OCA2: variants seen among roughly 807,000 people sequenced by gnomAD.
OCA2 encodes the protein P protein.
OCA2 carries 77 observed loss-of-function variants against 100.2 expected under a neutral mutation model. The observed-to-expected ratio is 0.77, with a 90% CI of 0.64 to 0.93. The LOEUF is 0.93. Among genes scored for constraint, OCA2 ranks in the 40% least tolerant of loss-of-function variants. The pLI is 0.00. For missense variants in OCA2, 1,062 were observed against 1,089.1 expected (o/e 0.98, Z 0.35); for synonymous variants, 432 against 439.2 (o/e 0.98, Z 0.21).
the OCA2 span, among the ~76,000 whole-genome samples, chr15:27,723,090 G>T: frequency 1.3e-5 from 2 of 152,008 alleles, no homozygotes; most frequent in South Asian, 4.2e-4. Flanking sequence ...TGATCCGCCC[G>T]CCTCACCCTC....
At chr15:27,831,302 A>AAAAAAAAAAAAAAC (rs2034945213) in intron 23 of OCA2, among the ~76,000 whole-genome samples, 1 of 151,390 alleles carries the variant, frequency 6.6e-6, no homozygotes, top group African/African-American at 2.4e-5. Flanking sequence ...AAAAAAAAAA[A>AAAAAAAAAAAAAAC]AAAATCGGTC....
At chr15:28,037,751 A>G (rs1382196046) in intron 2 of OCA2, among the ~76,000 whole-genome samples, 1 of 152,206 alleles carries the variant, frequency 6.6e-6, no homozygotes, top group African/African-American at 2.4e-5. Context: ...AATGGGACTC[A>G]GGATAGGCTC....
intron 19 of OCA2, among the ~76,000 whole-genome samples, chr15:27,883,083 T>C (rs1567058310): frequency 6.6e-6 from 1 of 152,128 alleles, no homozygotes; most frequent in Non-Finnish European, 1.5e-5. Context: ...TCTTTGGCTC[T>C]CTCTTCTGGT....
chr15:28,005,438 C>T (rs539028925), intron 9 of OCA2, among the ~76,000 whole-genome samples: 3 of 152,304 alleles, frequency 2.0e-5, no homozygotes, highest in East Asian at 1.9e-4. Context: ...GCAGGTAAGA[C>T]ATCCAGCAGG....
intron 23 of OCA2, among the ~76,000 whole-genome samples, chr15:27,773,547 G>C (rs74007363): frequency 0.015 from 2,342 of 152,308 alleles, 62 homozygotes; most frequent in African/African-American, 0.054. Flanking sequence ...TTACATTTGT[G>C]AGTGGTTACA....
intron 23 of OCA2, among the ~76,000 whole-genome samples, chr15:27,788,961 C>T (rs1468412480): frequency 6.6e-6 from 1 of 152,042 alleles, no homozygotes; most frequent in Admixed American, 6.6e-5. Flanking sequence ...AACCTAATTT[C>T]ATTAAAACCT....
chr15:28,074,470 C>T (rs935325771), intron 2 of OCA2, among the ~76,000 whole-genome samples: 2 of 151,894 alleles, frequency 1.3e-5, no homozygotes, highest in Non-Finnish European at 2.9e-5. Flanking sequence ...GTCAGGAGAT[C>T]GAGACCATCC....
chr15:27,827,672 G>A lies in OCA2; in HGVS notation c.2432+17287C>T, dbSNP rs182515538. On this transcript the variant is annotated intron_variant, in intron 23 of 23. Transcript: ENST00000354638. ...CAGAAACAAAATAATTTACATTCTG[G>A]AAAAGGGGGATATTTTATTTTAAGC... is the stretch of plus-strand genomic sequence containing the variant. 4.6e-5 allele frequency among the ~76,000 whole-genome samples: 7 copies of A among 152,194 alleles called. No homozygotes were observed. In the East Asian group the frequency reaches 1.4e-3, roughly 29 times the overall value.
chr15:27,762,611 C>T lies in OCA2; in HGVS notation c.2433-7139G>A, dbSNP rs1020503439. Among the ~76,000 whole-genome samples, 29 of 152,248 alleles carry T rather than the reference C, an allele frequency of 1.9e-4. 1 individual carries two copies. The highest frequency in any genetic ancestry group is 1.2e-3 in the Admixed American group (19 of 15,302). ...ATGCCCCCTTACTAGCCTGTGCACC[C>T]GAACACTCCACCCTGCACATTCAGT... On this transcript the variant is annotated intron_variant, in intron 23 of 23. Coordinates refer to ENST00000354638, the MANE Select transcript of OCA2 (RefSeq NM_000275.3).
At chr15:27,815,905 G>C (rs1036336426) in intron 23 of OCA2, among the ~76,000 whole-genome samples, 1 of 152,234 alleles carries the variant, frequency 6.6e-6, no homozygotes, top group Non-Finnish European at 1.5e-5. Context: ...GCTGAGGCGG[G>C]TAGATCACCT....
intron 1 of OCA2, among the ~76,000 whole-genome samples, chr15:28,098,273 G>C (rs1306034935): frequency 4.6e-5 from 7 of 152,184 alleles, no homozygotes; most frequent in Non-Finnish European, 1.0e-4. Flanking sequence ...TTTCATCTCT[G>C]TGTTCAGGTT....
rs111493795 is a variant in OCA2 at position 28,005,038 on chromosome 15, T to C, written c.1044+9738A>G. Among the ~76,000 whole-genome samples the C allele has an allele frequency of 4.2e-3, 635 of 152,202 alleles. 5 individuals are homozygous for C. The highest frequency in any genetic ancestry group is 0.015 in the African/African-American group (617 of 41,532). On this transcript the variant is annotated intron_variant, in intron 9 of 23. Transcript: ENST00000354638. Reference sequence around the variant, plus strand: ...CTCACAATGTGGCTGTGACAGAAACTGTGTGCCGGCCTCGCCTCGCACTGC... The same window carrying C: ...CTCACAATGTGGCTGTGACAGAAACCGTGTGCCGGCCTCGCCTCGCACTGC...
chr15:27,842,539 T>C (rs2035379160), intron 23 of OCA2, among the ~76,000 whole-genome samples: 1 of 152,196 alleles, frequency 6.6e-6, no homozygotes, highest in Non-Finnish European at 1.5e-5. Context: ...AAGGCCCTAC[T>C]ACAATTAGAT....
intron 23 of OCA2, among the ~76,000 whole-genome samples, chr15:27,802,531 G>T (rs1052749953): frequency 1.3e-5 from 2 of 152,072 alleles, no homozygotes; most frequent in Admixed American, 1.3e-4. Context: ...CAAATATAAA[G>T]AAATGATACT....
rs1049543849 is a variant in OCA2, at chr15:27,770,902, C to T, written c.2433-15430G>A. On this transcript the variant is annotated intron_variant, in intron 23 of 23. Transcript: ENST00000354638. ...CCTTTGCTCCTTCCCATCTCCTTTT[C>T]CTTCCTTCCCTCCTCCCTCCCTCTT... 6.8e-3 allele frequency among the ~76,000 whole-genome samples: 279 copies of T among 41,194 alleles called. 14 individuals are homozygous for T. Among genetic ancestry groups the T allele is most frequent in the African/African-American group, 0.022 (267 of 12,108 alleles). The allele number at this position is 41,194 out of a possible 152,430, so 27.0% of individuals were successfully genotyped here.
At chr15:28,033,940 C>T (rs920193913) in intron 2 of OCA2, among the ~76,000 whole-genome samples, 2 of 152,034 alleles carry the variant, frequency 1.3e-5, no homozygotes, top group African/African-American at 4.8e-5. Flanking sequence ...GTTACGGAGA[C>T]GGTGACCTCC....
the OCA2 span, among the ~76,000 whole-genome samples, chr15:27,743,371 C>T: frequency 6.6e-6 from 1 of 152,316 alleles, no homozygotes; most frequent in African/African-American, 2.4e-5. Flanking sequence ...ATTCCAGTCG[C>T]TTTCAGGCTG....
At chr15:27,925,723 T>A (rs2039018748) in intron 19 of OCA2, among the ~76,000 whole-genome samples, 2 of 152,224 alleles carry the variant, frequency 1.3e-5, no homozygotes, top group Non-Finnish European at 2.9e-5. Context: ...CAATACATAT[T>A]ACTGATGTAG....
intron 19 of OCA2, chr15:27,895,736 T>C: frequency 3.5e-6 from 1 of 283,072 alleles, no homozygotes; most frequent in South Asian, 4.5e-5. Context: ...GAATAAAGCC[T>C]ACTTTAAGAG....
Sources: gnomAD v4.1 joint callset for allele counts (sites outside exome capture counted in the v4.1 genomes callset) on GRCh38, gnomAD v4.1.1 for gene constraint, MANE v1.5 for transcripts, NCBI Gene and HGNC (gene_info 2026-07-23, HGNC 2026-07-21) for gene names.